The following CNOT1 variants were observed in gnomAD, a reference collection of about 807,000 sequenced individuals.
CNOT1 encodes CCR4-associated factor 1.
CNOT1 carries 15 observed loss-of-function variants against 273.8 expected under a neutral mutation model. The observed-to-expected ratio is 0.05, with a 90% CI of 0.04 to 0.08. The LOEUF (loss-of-function observed/expected upper bound fraction) is 0.08, where lower values mean the gene tolerates loss of function less well. Ranked by LOEUF, CNOT1 falls within the 10% of genes least tolerant of loss-of-function variation. The pLI is 1.00. For missense variants in CNOT1, 1,644 were observed against 2,912.2 expected (o/e 0.56, Z 10.02); for synonymous variants, 1,022 against 1,005.5 (o/e 1.02, Z -0.31).
intron 11 of CNOT1, 77 bp from the exon 12 acceptor site, chr16:58,580,837 T>C (rs1315683749): frequency 4.4e-6 from 6 of 1,375,762 alleles, no homozygotes; most frequent in East Asian, 4.8e-5. Context: ...CACTAGGCTA[T>C]TGTCAATCTT....
At chr16:58,563,262 T>C (rs1272251350) in intron 16 of CNOT1, among the ~76,000 whole-genome samples, 1 of 152,234 alleles carries the variant, frequency 6.6e-6, no homozygotes, top group Non-Finnish European at 1.5e-5. Context: ...ATAAATACCA[T>C]TGTGTTATAA....
In CNOT1 at chr16:58,520,877, T is replaced by G; in HGVS notation, c.*81A>C. Reference sequence around the variant, plus strand: ...AAGGGCTGGGAAAGTCAGGAAGAGCTGAAAGGATTCTTCAGTCAGTTTATG... The same window carrying G: ...AAGGGCTGGGAAAGTCAGGAAGAGCGGAAAGGATTCTTCAGTCAGTTTATG... On this transcript the variant is annotated 3_prime_UTR_variant, in exon 49 of 49. Transcript: ENST00000317147. 2 of 1,430,152 alleles carry G rather than the reference T, an allele frequency of 1.4e-6. No homozygotes were observed. Among genetic ancestry groups the G allele is most frequent in the Non-Finnish European group, 2.0e-6 (2 of 1,025,474 alleles). The allele number at this position is 1,430,152 out of a possible 1,614,324, so 88.6% of individuals were successfully genotyped here.
chr16:58,577,588 C>T (rs1157827983), intron 13 of CNOT1, among the ~76,000 whole-genome samples: 3 of 151,968 alleles, frequency 2.0e-5, no homozygotes, highest in South Asian at 4.2e-4. Flanking sequence ...AAAGGGCACT[C>T]GGGGTAAAGG....
intron 1 of CNOT1, among the ~76,000 whole-genome samples, chr16:58,601,863 CCTGT>C (rs1217625944): frequency 8.2e-6 from 1 of 122,492 alleles, no homozygotes; most frequent in African/African-American, 3.3e-5. Context: ...ATGGCGAGAC[CCTGT>C]CTATTAAAAA....
chr16:58,574,711 G>T lies in CNOT1; in HGVS notation c.1877C>A (p.Ser626Tyr). Residue 626 changes from serine to tyrosine, a missense_variant, in exon 16 of 49, where the codon TCT becomes TAT. By Grantham distance (144) the Ser-to-Tyr change is moderately radical (BLOSUM62 -2). Transcript: ENST00000317147. Reference protein sequence around the residue: ...CMTFLKRRCPSILGGLAPEKD... With the variant: ...CMTFLKRRCPYILGGLAPEKD... ...TTCTGGGGCAAGTCCGCCCAAAATA[G>T]AAGGACACCGTCTCTTTAAAAAAGT... 6.2e-7 allele frequency: 1 copy of T among 1,608,260 alleles called. No homozygotes were observed. The highest frequency in any genetic ancestry group is 8.5e-7 in the Non-Finnish European group (1 of 1,178,964).
intron 31 of CNOT1, chr16:58,543,261 G>C (rs1183006457): frequency 6.5e-7 from 1 of 1,543,650 alleles, no homozygotes; most frequent in Non-Finnish European, 8.7e-7. Context: ...AAGTCATTTT[G>C]TATCGGCCTT....
chr16:58,532,278 C>A lies in CNOT1; in HGVS notation c.6013G>T (p.Glu2005Ter). Reference protein sequence around the residue: ...IMLLLELNAPEHVLETINFQT... With the variant: ...IMLLLELNAP ...AAATTAATGGTTTCCAACACATGCT[C>A]AGGTGCATTGAGTTCCAAGAGAAGC... Residue 2005 changes from glutamate (E) to a stop codon, truncating the protein, a stop_gained, in exon 41 of 49, where the codon GAG (glutamate) becomes TAG (stop). Transcript: ENST00000317147. LOFTEE classifies it high-confidence loss of function. The A allele has an allele frequency of 6.2e-7, 1 of 1,614,142 alleles. No individual in the cohort carries two copies. Among genetic ancestry groups the A allele is most frequent in the South Asian group, 1.1e-5 (1 of 91,072 alleles).
chr16:58,546,780 C>A, intron 27 of CNOT1, 31 bp from the exon 28 acceptor site: 5 of 1,612,774 alleles, frequency 3.1e-6, no homozygotes, highest in Non-Finnish European at 4.2e-6. Flanking sequence ...TAAGCTGGCC[C>A]AAAATGTGCC....
At chr16:58,578,243 C>T (rs544516075) in intron 13 of CNOT1, among the ~76,000 whole-genome samples, 19 of 152,162 alleles carry the variant, frequency 1.2e-4, no homozygotes, top group Non-Finnish European at 1.8e-4. Context: ...CATTTGAGGT[C>T]AGGAGTTTGA....
Position 58,538,710 on chromosome 16 carries a change from C to T in CNOT1, c.5135+62G>A, listed in dbSNP as rs1445587126. On this transcript the variant is annotated intron_variant, in intron 36 of 48. Coordinates refer to ENST00000317147, the MANE Select transcript of CNOT1 (RefSeq NM_016284.5). ...GGGAAACCCCTGGACATAAACAGTA[C>T]TATCTATGTCAAAAGGCAGTCGCAG... The T allele has an allele frequency of 6.3e-6, 10 of 1,599,390 alleles. No individual in the cohort carries two copies. In the African/African-American group the frequency reaches 9.4e-5, roughly 15 times the overall value.
intron 47 of CNOT1, 107 bp downstream of exon 47, chr16:58,523,262 AC>A: frequency 2.4e-6 from 3 of 1,272,578 alleles, no homozygotes; most frequent in Non-Finnish European, 3.2e-6. Flanking sequence ...CAAAAAAAAA[AC>A]CAACCAAACG....
At chr16:58,549,979 AGCACAT>A (rs950810492) in intron 24 of CNOT1, 81 bp from the exon 25 acceptor site, 43 of 1,564,640 alleles carry the variant, frequency 2.7e-5, no homozygotes, top group Non-Finnish European at 3.6e-5. Context: ...CATACTATAC[AGCACAT>A]GGCTCCTTGC....
At chr16:58,612,454 A>C (rs1425390838) in intron 1 of CNOT1, among the ~76,000 whole-genome samples, 4 of 152,164 alleles carry the variant, frequency 2.6e-5, no homozygotes, top group Admixed American at 2.0e-4. Context: ...AATGTTCTAC[A>C]TCAGACTGGC....
intron 10 of CNOT1, 117 bp from the exon 11 acceptor site, chr16:58,581,632 A>G: frequency 7.1e-7 from 1 of 1,411,486 alleles, no homozygotes; most frequent in South Asian, 1.6e-5. Context: ...CAAAATTTTT[A>G]ATGTGAATTT....
chr16:58,536,492 C>G (rs1327652561), intron 39 of CNOT1, among the ~76,000 whole-genome samples: 2 of 152,214 alleles, frequency 1.3e-5, no homozygotes, highest in South Asian at 4.1e-4. Flanking sequence ...AGTCAAAGTC[C>G]AACTTGCATC....
Position 58,583,083 on chromosome 16 carries a change from T to C in CNOT1, c.906A>G (p.Ser302=). 1.9e-6 allele frequency: 3 copies of C among 1,614,068 alleles called. No homozygotes were observed. The highest frequency in any genetic ancestry group is 2.5e-6 in the Non-Finnish European group (3 of 1,180,014). Residue 302 remains serine, a synonymous_variant, in exon 9 of 49, where the codon TCA becomes TCG. Transcript: ENST00000317147. ...GTAATGGAATGCCATCTGTTAATCC[T>C]GAATGAGTTCGAGCCATCATTCCCA... ...RVLGMMARTH[S]GLTDGIPLQS...
chr16:58,555,090 C>T (rs995438385), intron 21 of CNOT1, among the ~76,000 whole-genome samples, 161 bp downstream of exon 21: 4 of 152,050 alleles, frequency 2.6e-5, no homozygotes, highest in East Asian at 1.9e-4. Context: ...CACCTGTGGT[C>T]CCAGCTACTC....
rs2041959678 is a variant in CNOT1, at chr16:58,588,830, T to C, written c.179A>G (p.Asp60Gly). 7 of 1,613,932 alleles carry C rather than the reference T, an allele frequency of 4.3e-6. No homozygotes were observed. The highest frequency in any genetic ancestry group is 5.1e-6 in the Non-Finnish European group (6 of 1,179,998). Reference sequence around the variant, plus strand: ...GAAATCTTTGCCACTGCTTTTACCATCGCCACTGAAATCCACATGCGAAAA... The same window carrying C: ...GAAATCTTTGCCACTGCTTTTACCACCGCCACTGAAATCCACATGCGAAAA... Reference protein sequence around the residue: ...CLFSHVDFSGDGKSSGKDFHQ... With the variant: ...CLFSHVDFSGGGKSSGKDFHQ... Residue 60 changes from aspartate to glycine, a missense_variant, in exon 3 of 49, where the codon GAT becomes GGT. Asp to Gly is a moderately conservative substitution (Grantham distance 94). Around this residue, in one of 13 missense-constraint regions of CNOT1, gnomAD observed 706 missense variants for 1,021.2 expected, o/e 0.69. Coordinates refer to ENST00000317147, the MANE Select transcript of CNOT1 (RefSeq NM_016284.5).
intron 13 of CNOT1, 53 bp downstream of exon 13, chr16:58,578,646 A>G: frequency 3.1e-6 from 5 of 1,597,888 alleles, no homozygotes; most frequent in Non-Finnish European, 4.3e-6. Flanking sequence ...CAACACTCCA[A>G]AGAAGATCAA....
Sources: gnomAD v4.1 joint callset for allele counts (sites outside exome capture counted in the v4.1 genomes callset) on GRCh38, gnomAD v4.1.1 for gene constraint, gnomAD v4.1.1 regional missense constraint, MANE v1.5 for transcripts, NCBI Gene and HGNC (gene_info 2026-07-23, HGNC 2026-07-21) for gene names.